PDIA5: variants seen among roughly 807,000 people sequenced by gnomAD.
The protein encoded by PDIA5 is protein disulfide isomerase family A member 5, also known as protein disulfide-isomerase A5.
A neutral mutation model predicts 77.6 loss-of-function variants in PDIA5; 58 were observed. The observed-to-expected ratio is 0.75, with a 90% CI of 0.61 to 0.93. PDIA5 has a LOEUF of 0.93. PDIA5 is among the 40% of genes least tolerant of loss of function. The pLI, the probability that PDIA5 is intolerant of heterozygous loss-of-function variation, is 0.00. For synonymous variants in PDIA5, 250 were observed against 252.1 expected (o/e 0.99, Z 0.08); for missense variants, 630 against 647.7 (o/e 0.97, Z 0.30).
At chr3:123,068,430 G>A (rs528308593) in intron 1 of PDIA5, among the ~76,000 whole-genome samples, 4 of 152,344 alleles carry the variant, frequency 2.6e-5, no homozygotes, top group African/African-American at 9.6e-5. Flanking sequence ...CCCTCTTGGG[G>A]AGAACCAGGC....
intron 3 of PDIA5, among the ~76,000 whole-genome samples, chr3:123,092,979 T>A (rs1402806503): frequency 6.6e-6 from 1 of 152,196 alleles, no homozygotes; most frequent in African/African-American, 2.4e-5. Context: ...TCTAAATCTT[T>A]AATGTAGCTA....
At chr3:123,073,401 C>T (rs1054626156) in intron 1 of PDIA5, among the ~76,000 whole-genome samples, 5 of 152,164 alleles carry the variant, frequency 3.3e-5, no homozygotes, top group African/African-American at 9.7e-5. Context: ...CAGCCATTTT[C>T]CAGGAGTGTC....
In PDIA5 at chr3:123,070,090, A is replaced by G. The variant is rs1011271530; in HGVS notation, c.42+2884A>G. Among the ~76,000 whole-genome samples, 6 of 118,866 alleles carry G rather than the reference A, an allele frequency of 5.0e-5. No homozygotes were observed. In the East Asian group the frequency reaches 1.2e-3, roughly 24 times the overall value. The allele number at this position is 118,866 out of a possible 152,430, so 78.0% of individuals were successfully genotyped here. A position where few individuals can be genotyped will look rare whatever the true frequency, so the allele number is the denominator to read the frequency against. ...GGGGGATGGAGCAAGACTCCATCTCAAAAAAAAAAAAAAAGAAGAAGAAGA... is the reference window on the plus strand; with the variant it reads ...GGGGGATGGAGCAAGACTCCATCTCGAAAAAAAAAAAAAAGAAGAAGAAGA... On this transcript the variant is annotated intron_variant, in intron 1 of 16. Transcript: ENST00000316218.
Position 123,155,029 on chromosome 3 carries a change from A to AG in PDIA5, c.1333dup (p.Asp445GlyfsTer2), listed in dbSNP as rs868019851. ...TTACTGCTACTGCTGATGCCTTCAA[A>AG]GATGACCGAAAGGTAAGGACAGCGC... On this transcript the variant is annotated frameshift_variant, in exon 15 of 17. Coordinates refer to ENST00000316218, the MANE Select transcript of PDIA5 (RefSeq NM_006810.4). LOFTEE classifies it high-confidence loss of function. 8 of 1,609,002 alleles carry AG rather than the reference A, an allele frequency of 5.0e-6. No individual in the cohort carries two copies. The African/African-American group carries it at 8.0e-5, about 16-fold the overall frequency.
intron 3 of PDIA5, among the ~76,000 whole-genome samples, chr3:123,093,944 G>T (rs1399090433): frequency 6.6e-6 from 1 of 152,212 alleles, no homozygotes; most frequent in Non-Finnish European, 1.5e-5. Flanking sequence ...TGAAAGGCCT[G>T]CTGCTGTCCC....
intron 10 of PDIA5, among the ~76,000 whole-genome samples, chr3:123,124,845 C>T (rs972302945): frequency 1.3e-5 from 2 of 152,218 alleles, no homozygotes; most frequent in African/African-American, 4.8e-5. Context: ...AAACACAGCA[C>T]TGTCTTAGGT....
intron 1 of PDIA5, among the ~76,000 whole-genome samples, chr3:123,083,378 C>T (rs1234971513): frequency 6.6e-6 from 1 of 152,196 alleles, no homozygotes; most frequent in Admixed American, 6.5e-5. Flanking sequence ...CGGCAGTTTT[C>T]TGCCCTGCAC....
chr3:123,134,985 TCCTCACAGTGGGG>T (rs982626133), intron 11 of PDIA5, among the ~76,000 whole-genome samples: 4 of 152,184 alleles, frequency 2.6e-5, no homozygotes, highest in Admixed American at 1.3e-4. Context: ...CTCCCTCTGG[TCCTCACAGTGGGG>T]CCTCACATGC....
rs1290960605 is a variant in PDIA5, at chr3:123,124,108, A to T, written c.652A>T (p.Ile218Phe). Residue 218 changes from isoleucine to phenylalanine, a missense_variant, in exon 9 of 17, where the codon ATC becomes TTC. Transcript: ENST00000316218. ...MNVYSSEFENIKEEYSVRGFP... is the reference protein window; with the variant it reads ...MNVYSSEFENFKEEYSVRGFP... ...TGTCTACTCCTCTGAATTTGAAAACATCAAGGAGGAGTACAGCGTGCGCGG... is the reference window on the plus strand; with the variant it reads ...TGTCTACTCCTCTGAATTTGAAAACTTCAAGGAGGAGTACAGCGTGCGCGG... 1.9e-6 allele frequency: 3 copies of T among 1,614,140 alleles called. No individual in the cohort carries two copies. The highest frequency in any genetic ancestry group is 2.5e-6 in the Non-Finnish European group (3 of 1,180,006).
intron 1 of PDIA5, among the ~76,000 whole-genome samples, chr3:123,072,154 C>T (rs553824401): frequency 6.6e-6 from 1 of 152,282 alleles, no homozygotes; most frequent in Non-Finnish European, 1.5e-5. Flanking sequence ...CCCAGAACAA[C>T]ACTTTCATCC....
At chr3:123,106,177 A>G (rs1302870440) in intron 5 of PDIA5, among the ~76,000 whole-genome samples, 2 of 152,318 alleles carry the variant, frequency 1.3e-5, no homozygotes, top group Non-Finnish European at 2.9e-5. Flanking sequence ...CCCAGCCTGG[A>G]CCTCACTCAT....
chr3:123,157,958 G>T (rs1403050872), intron 15 of PDIA5, among the ~76,000 whole-genome samples: 3 of 152,208 alleles, frequency 2.0e-5, no homozygotes, highest in South Asian at 2.1e-4. Context: ...CACCCTTAGA[G>T]GGAGGCCCTG....
intron 7 of PDIA5, among the ~76,000 whole-genome samples, chr3:123,112,061 A>T (rs1003968107): frequency 6.6e-6 from 1 of 152,176 alleles, no homozygotes; most frequent in Non-Finnish European, 1.5e-5. Context: ...CTTGTAACAG[A>T]GACGGCGTGG....
At chr3:123,119,405 G>C (rs528575411) in intron 8 of PDIA5, among the ~76,000 whole-genome samples, 1 of 152,190 alleles carries the variant, frequency 6.6e-6, no homozygotes, top group African/African-American at 2.4e-5. Flanking sequence ...TGGCTGCCTT[G>C]GCCTAAGACA....
intron 1 of PDIA5, among the ~76,000 whole-genome samples, chr3:123,080,564 A>T (rs1321432065): frequency 1.3e-5 from 2 of 152,168 alleles, no homozygotes; most frequent in Non-Finnish European, 2.9e-5. Flanking sequence ...GGCACACTGA[A>T]AATTTGGGCT....
intron 1 of PDIA5, among the ~76,000 whole-genome samples, chr3:123,081,574 T>G (rs1192485316): frequency 6.6e-6 from 1 of 152,226 alleles, no homozygotes; most frequent in African/African-American, 2.4e-5. Flanking sequence ...AACCTGTTTC[T>G]TCACAGTTCT....
chr3:123,084,603 C>G (rs1181861035), intron 1 of PDIA5, among the ~76,000 whole-genome samples: 1 of 152,136 alleles, frequency 6.6e-6, no homozygotes, highest in East Asian at 1.9e-4. Context: ...GTCTACCTGT[C>G]CAAAACCTGA....
Position 123,102,400 on chromosome 3 carries a change from G to T in PDIA5, c.258-11G>T, listed in dbSNP as rs779072285. 1.5e-5 allele frequency: 24 copies of T among 1,608,568 alleles called. No individual in the cohort carries two copies. In the Admixed American group the frequency reaches 2.8e-4, roughly 19 times the overall value. ...AGGTAATAAATGGTTCCCAACATTT[G>T]TGTCTTCCAGTGATGCAGAGAGTAG... On this transcript the variant is annotated splice_polypyrimidine_tract_variant and intron_variant, in intron 3 of 16. Coordinates refer to ENST00000316218, the MANE Select transcript of PDIA5 (RefSeq NM_006810.4).
intron 7 of PDIA5, among the ~76,000 whole-genome samples, chr3:123,113,653 A>G (rs1253938428): frequency 6.6e-6 from 1 of 152,140 alleles, no homozygotes; most frequent in African/African-American, 2.4e-5. Flanking sequence ...CACTAGTCTA[A>G]TCAAGTCTCC....
Sources: gnomAD v4.1 joint callset for allele counts (sites outside exome capture counted in the v4.1 genomes callset) on GRCh38, gnomAD v4.1.1 for gene constraint, MANE v1.5 for transcripts, NCBI Gene and HGNC (gene_info 2026-07-23, HGNC 2026-07-21) for gene names.